The following SGCZ variants were observed in gnomAD, a reference collection of about 807,000 sequenced individuals.
SGCZ encodes the protein zeta-sarcoglycan.
Under a neutral mutation model 41.3 loss-of-function variants are expected in SGCZ, and 40 were observed. The ratio of observed to expected loss-of-function variants is 0.97; its 90% CI spans 0.75 to 1.26. SGCZ has a LOEUF of 1.26. Ranked by LOEUF, SGCZ falls within the 50% of genes most tolerant of loss-of-function variation. The probability of loss-of-function intolerance (pLI) is 0.00; values close to 1 mark genes in which losing one functional copy is unlikely to be tolerated. For missense variants in SGCZ, 552 were observed against 369.8 expected (o/e 1.49, Z -4.04); for synonymous variants, 206 against 137.5 (o/e 1.50, Z -3.49).
intron 2 of SGCZ, among the ~76,000 whole-genome samples, chr8:14,511,539 G>A (rs571025815): frequency 7.0e-4 from 107 of 151,920 alleles, no homozygotes; most frequent in Non-Finnish European, 8.4e-4. Flanking sequence ...GATTCCAATG[G>A]AAGGATAGGC....
chr8:14,724,700 T>TATATAC (rs374228127), intron 1 of SGCZ, among the ~76,000 whole-genome samples: 2 of 134,814 alleles, frequency 1.5e-5, no homozygotes, highest in Non-Finnish European at 3.0e-5. Context: ...TATATATATA[T>TATATAC]GCATATTTAT....
At chr8:14,721,579 C>T (rs1477015995) in intron 1 of SGCZ, among the ~76,000 whole-genome samples, 2 of 152,178 alleles carry the variant, frequency 1.3e-5, no homozygotes, top group African/African-American at 4.8e-5. Context: ...GTCTACTTCT[C>T]ACCACCTCTA....
chr8:14,506,877 T>C (rs1249041999), intron 2 of SGCZ, among the ~76,000 whole-genome samples: 2 of 152,208 alleles, frequency 1.3e-5, no homozygotes, highest in African/African-American at 4.8e-5. Flanking sequence ...CAGTGTCCTT[T>C]GCAGGCTCCT....
intron 1 of SGCZ, among the ~76,000 whole-genome samples, chr8:15,090,793 C>T (rs1319934990): frequency 1.3e-5 from 2 of 152,080 alleles, no homozygotes; most frequent in Non-Finnish European, 1.5e-5. Flanking sequence ...GTTTTCATGC[C>T]AAACAGGTGT....
chr8:14,258,174 ACAAT>A (rs1338229227), intron 3 of SGCZ, among the ~76,000 whole-genome samples: 1 of 152,214 alleles, frequency 6.6e-6, no homozygotes, highest in African/African-American at 2.4e-5. Context: ...TAGATACTAA[ACAAT>A]CAGTTTTATA....
intron 1 of SGCZ, among the ~76,000 whole-genome samples, chr8:15,076,257 T>C (rs892186938): frequency 6.6e-6 from 1 of 152,090 alleles, no homozygotes; most frequent in Non-Finnish European, 1.5e-5. Flanking sequence ...GAGAGGATTA[T>C]TATAACAAAG....
chr8:14,240,439 G>C (rs9942785), intron 3 of SGCZ, among the ~76,000 whole-genome samples: 1 of 151,460 alleles, frequency 6.6e-6, no homozygotes, highest in African/African-American at 2.4e-5. Context: ...CAGAGAATTT[G>C]TTGAAGTTCT....
intron 2 of SGCZ, among the ~76,000 whole-genome samples, chr8:14,434,490 C>G (rs73188359): frequency 0.48 from 72,980 of 151,982 alleles, 19,091 homozygotes; most frequent in Non-Finnish European, 0.59. Context: ...ATTGCTTTTC[C>G]TAATTGTGTG....
At chr8:15,182,893 C>A (rs1800219635) in intron 1 of SGCZ, among the ~76,000 whole-genome samples, 1 of 152,214 alleles carries the variant, frequency 6.6e-6, no homozygotes, top group Non-Finnish European at 1.5e-5. Flanking sequence ...AAAATATTTT[C>A]TTTCTTTATA....
intron 5 of SGCZ, among the ~76,000 whole-genome samples, chr8:14,149,796 CA>C (rs1803642659): frequency 6.6e-6 from 1 of 151,924 alleles, no homozygotes; most frequent in African/African-American, 2.4e-5. Flanking sequence ...GCTACAGCAA[CA>C]AAAGTAGCAT....
intron 2 of SGCZ, among the ~76,000 whole-genome samples, chr8:14,405,491 T>C (rs1799188477): frequency 1.3e-5 from 2 of 152,212 alleles, no homozygotes; most frequent in African/African-American, 2.4e-5. Context: ...TTAAATAATA[T>C]ACTCTCTTTC....
intron 1 of SGCZ, among the ~76,000 whole-genome samples, chr8:14,918,476 C>G (rs974506027): frequency 2.6e-5 from 4 of 152,054 alleles, no homozygotes; most frequent in Non-Finnish European, 5.9e-5. Flanking sequence ...GTTATATAAA[C>G]TCAAAGCCCT....
At chr8:14,925,268 A>G (rs1799711723) in intron 1 of SGCZ, among the ~76,000 whole-genome samples, 1 of 152,084 alleles carries the variant, frequency 6.6e-6, no homozygotes, top group Non-Finnish European at 1.5e-5. Flanking sequence ...CGAAGACAAA[A>G]TTTTCTTTTG....
chr8:15,187,642 T>C (rs1800388229), intron 1 of SGCZ, among the ~76,000 whole-genome samples: 1 of 152,016 alleles, frequency 6.6e-6, no homozygotes, highest in Non-Finnish European at 1.5e-5. Context: ...GGCACATTTC[T>C]CCTTCTCACT....
At chr8:15,062,222 G>A (rs2131012881) in intron 1 of SGCZ, among the ~76,000 whole-genome samples, 1 of 152,148 alleles carries the variant, frequency 6.6e-6, no homozygotes, top group Non-Finnish European at 1.5e-5. Context: ...GAAAAGGTTA[G>A]CTTCTTACAG....
chr8:14,604,014 C>A (rs141459156), intron 1 of SGCZ, among the ~76,000 whole-genome samples: 1 of 152,128 alleles, frequency 6.6e-6, no homozygotes, highest in African/African-American at 2.4e-5. Flanking sequence ...AATTCAACAT[C>A]CTTAACAATT....
chr8:15,026,650 A>G (rs915798510), intron 1 of SGCZ, among the ~76,000 whole-genome samples: 4 of 152,128 alleles, frequency 2.6e-5, no homozygotes, highest in African/African-American at 9.7e-5. Context: ...TCAGCTTGAG[A>G]GATTCATTGT....
At chr8:15,077,724 A>G (rs1805591164) in intron 1 of SGCZ, among the ~76,000 whole-genome samples, 1 of 152,208 alleles carries the variant, frequency 6.6e-6, no homozygotes, top group African/African-American at 2.4e-5. Flanking sequence ...TCTTCCTCCT[A>G]TACCTGCACA....
intron 3 of SGCZ, among the ~76,000 whole-genome samples, chr8:14,286,846 C>T (rs1800651943): frequency 6.6e-6 from 1 of 152,032 alleles, no homozygotes; most frequent in Admixed American, 6.6e-5. Flanking sequence ...AATTTGTATT[C>T]CCATTAGTAC....
Sources: allele counts gnomAD v4.1 joint callset (sites outside exome capture counted in the v4.1 genomes callset), GRCh38; gene constraint gnomAD v4.1.1; transcripts MANE v1.5; gene names NCBI Gene and HGNC (gene_info 2026-07-23, HGNC 2026-07-21).